CUBN: variants seen among roughly 807,000 people sequenced by gnomAD.
CUBN encodes the protein 460 kDa receptor.
A neutral mutation model predicts 405.3 loss-of-function variants in CUBN; 282 were observed. The observed-to-expected ratio is 0.70, with a 90% confidence interval of 0.63 to 0.77. The LOEUF is 0.77. Among genes scored for constraint, CUBN ranks in the 30% least tolerant of loss-of-function variants. CUBN has a pLI of 0.00. For missense variants in CUBN, 4,514 were observed against 4,475.2 expected (o/e 1.01, Z -0.25); for synonymous variants, 1,684 against 1,617.0 (o/e 1.04, Z -0.99).
chr10:16,890,247 T>C, intron 55 of CUBN, 124 bp downstream of exon 55: 1 of 851,240 alleles, frequency 1.2e-6, no homozygotes, highest in Non-Finnish European at 2.0e-6. Flanking sequence ...TGGGATTAGG[T>C]GACTCATCCT....
chr10:17,047,356 G>A, intron 23 of CUBN, 58 bp downstream of exon 23: 3 of 1,358,726 alleles, frequency 2.2e-6, no homozygotes, highest in Non-Finnish European at 3.1e-6. Context: ...TCCTAGGAAA[G>A]ATTATTAATG....
rs1156233536 is a variant in CUBN, at chr10:16,876,955, G to A, written c.9048C>T (p.Asn3016=). The stretch of plus-strand genomic sequence containing the variant: ...CTGTGATTTGCTCGTTGGAGTAGAA[G>A]TTAAGCAGAACCGGCCCAGCGATGG... ...PLTIAGPVLL[N]FYSNEQITDF... The change falls in exon 57 of 67, where the codon AAC becomes AAT. Residue 3016 remains asparagine (N), a synonymous_variant. Transcript: ENST00000377833. 2.5e-6 allele frequency: 4 copies of A among 1,614,216 alleles called. No individual in the cohort carries two copies. The highest frequency in any genetic ancestry group is 3.4e-6 in the Non-Finnish European group (4 of 1,180,044).
Position 17,027,823 on chromosome 10 carries a change from A to G in CUBN, c.4018-7840T>C, listed in dbSNP as rs188799334. Among the ~76,000 whole-genome samples, 22 of 152,294 alleles carry G rather than the reference A, an allele frequency of 1.4e-4. No homozygotes were observed. In the East Asian group the frequency reaches 4.1e-3, roughly 28 times the overall value. On this transcript the variant is annotated intron_variant, in intron 27 of 66. Coordinates refer to ENST00000377833, the MANE Select transcript of CUBN (RefSeq NM_001081.4). ...TGCTCCAGCATTAATTTAAAATCAT[A>G]TTTTGCCTATAATGCTTCCTTTTAT...
intron 29 of CUBN, among the ~76,000 whole-genome samples, chr10:16,990,051 G>A (rs757654235): frequency 2.6e-5 from 4 of 152,204 alleles, no homozygotes; most frequent in Admixed American, 6.5e-5. Flanking sequence ...TCCCTCTGCT[G>A]GTTCCCCCTC....
chr10:16,970,586 A>AAAAAAG (rs1843523051), intron 31 of CUBN, among the ~76,000 whole-genome samples: 1 of 151,940 alleles, frequency 6.6e-6, no homozygotes, highest in Non-Finnish European at 1.5e-5. Context: ...CAAAAAAAAA[A>AAAAAAG]AAAAAATCAA....
At chr10:16,904,162 G>A (rs1313371964) in intron 50 of CUBN, 47 bp from the exon 51 acceptor site, 1 of 1,562,276 alleles carries the variant, frequency 6.4e-7, no homozygotes, top group Admixed American at 1.7e-5. Context: ...CAGCTTTTGA[G>A]AAATACATTC....
chr10:16,980,508 G>A lies in CUBN; in HGVS notation c.4695+1976C>T, dbSNP rs1833237030. Among the ~76,000 whole-genome samples the A allele has an allele frequency of 2.6e-5, 4 of 152,318 alleles. No individual in the cohort carries two copies. In the South Asian group the frequency reaches 8.3e-4, roughly 32 times the overall value. ...CCTATACACCATGGAATACTTTGTAGCCATAAAAAAGGATGAGTTCATGTA... is the reference window on the plus strand; with the variant it reads ...CCTATACACCATGGAATACTTTGTAACCATAAAAAAGGATGAGTTCATGTA... On this transcript the variant is annotated intron_variant, in intron 31 of 66. Transcript: ENST00000377833.
At chr10:16,903,527 A>T (rs2131428574) in intron 51 of CUBN, among the ~76,000 whole-genome samples, 1 of 151,754 alleles carries the variant, frequency 6.6e-6, no homozygotes, top group Middle Eastern at 3.5e-3. Flanking sequence ...TATAGACAAC[A>T]TATTAAAACT....
chr10:16,897,326 C>A (rs1359105036), intron 54 of CUBN, among the ~76,000 whole-genome samples: 1 of 152,004 alleles, frequency 6.6e-6, no homozygotes, highest in African/African-American at 2.4e-5. Flanking sequence ...ACGTGCCTTG[C>A]ACATTTTGTG....
At chr10:16,938,843 G>T in intron 38 of CUBN, 120 bp downstream of exon 38, 1 of 866,424 alleles carries the variant, frequency 1.2e-6, no homozygotes, top group Non-Finnish European at 1.9e-6. Context: ...CTCTAAACAT[G>T]ATTTAGAGCA....
intron 58 of CUBN, among the ~76,000 whole-genome samples, chr10:16,871,564 C>A (rs546165476): frequency 4.6e-5 from 7 of 151,922 alleles, no homozygotes; most frequent in African/African-American, 1.7e-4. Context: ...TATTGATTTT[C>A]TTTTACCACA....
intron 28 of CUBN, among the ~76,000 whole-genome samples, chr10:16,990,749 C>CA (rs1310166891): frequency 6.6e-6 from 1 of 152,084 alleles, no homozygotes; most frequent in African/African-American, 2.4e-5. Context: ...TAATTTAGTA[C>CA]AATAATGCTC....
intron 37 of CUBN, 146 bp downstream of exon 37, chr10:16,939,886 T>A (rs992638549): frequency 1.1e-5 from 9 of 782,894 alleles, no homozygotes; most frequent in Middle Eastern, 7.4e-4. Flanking sequence ...GTTTTTCTAA[T>A]ATGTTATAAG....
intron 29 of CUBN, among the ~76,000 whole-genome samples, chr10:16,986,247 G>A (rs1278207977): frequency 1.3e-5 from 2 of 152,138 alleles, no homozygotes; most frequent in Non-Finnish European, 2.9e-5. Context: ...GGGGATCTGG[G>A]CACAGCGCCC....
At chr10:17,124,219 A>G (rs906778788) in intron 4 of CUBN, among the ~76,000 whole-genome samples, 1 of 152,126 alleles carries the variant, frequency 6.6e-6, no homozygotes, top group Admixed American at 6.6e-5. Context: ...AAATGTGGCC[A>G]GCTAAGACAT....
At position 16,920,132 on chromosome 10, in the gene CUBN, C is replaced by G. The variant is rs1270030550; in HGVS notation, c.6652G>C (p.Gly2218Arg). The part of the protein sequence containing the change: ...IKYEAKSLAC[G>R]GNVYIHDADS... The stretch of plus-strand genomic sequence containing the variant: ...GCATCATGGATGTAGACGTTGCCCC[C>G]ACAGGCTGTGAGCAAACACACTTAA... Residue 2218 changes from glycine (G) to arginine (R), a missense_variant, in exon 44 of 67, where the codon GGG (glycine) becomes CGG (arginine). Coordinates refer to ENST00000377833, the MANE Select transcript of CUBN (RefSeq NM_001081.4). The G allele has an allele frequency of 2.5e-6, 4 of 1,613,740 alleles. No individual in the cohort carries two copies. The African/African-American group carries it at 4.0e-5, about 16-fold the overall frequency.
intron 36 of CUBN, among the ~76,000 whole-genome samples, chr10:16,941,816 A>C (rs1373073848): frequency 6.6e-6 from 1 of 152,166 alleles, no homozygotes; most frequent in Non-Finnish European, 1.5e-5. Flanking sequence ...ACTCCAGCCT[A>C]TGCAACAGAG....
rs1836761097 is a variant in CUBN, at chr10:17,111,035, C to A, written c.899G>T (p.Gly300Val). The A allele has an allele frequency of 6.2e-7, 1 of 1,614,130 alleles. No homozygotes were observed. Among genetic ancestry groups the A allele is most frequent in the Non-Finnish European group, 8.5e-7 (1 of 1,180,020 alleles). Residue 300 changes from glycine to valine, a missense_variant, in exon 9 of 67, where the codon GGA (glycine) becomes GTA (valine). This residue lies in a region of CUBN where 1,448 missense variants were observed against 1,388.0 expected (regional missense o/e 1.04). Coordinates refer to ENST00000377833, the MANE Select transcript of CUBN (RefSeq NM_001081.4). ...GACPTGWQGN[G>V]YICEDINECE... ...TTCATTGATATCTTCGCAAATATATCCATTGCCTTGCCAGCCTAGGAAAAC... is the reference window on the plus strand; with the variant it reads ...TTCATTGATATCTTCGCAAATATATACATTGCCTTGCCAGCCTAGGAAAAC...
At chr10:16,903,682 A>C (rs1015719096) in intron 51 of CUBN, among the ~76,000 whole-genome samples, 23 of 147,748 alleles carry the variant, frequency 1.6e-4, no homozygotes, top group African/African-American at 4.9e-4. Flanking sequence ...TTAATTATTA[A>C]ATAATTATTG....
Sources: gnomAD v4.1 joint callset for allele counts (sites outside exome capture counted in the v4.1 genomes callset) on GRCh38, gnomAD v4.1.1 for gene constraint, gnomAD v4.1.1 regional missense constraint, MANE v1.5 for transcripts, NCBI Gene and HGNC (gene_info 2026-07-23, HGNC 2026-07-21) for gene names.